The following DPH6 variants were observed in gnomAD, a reference collection of about 807,000 sequenced individuals.
DPH6 encodes diphthamine biosynthesis 6.
DPH6 carries 33 observed loss-of-function variants against 38.2 expected under a neutral mutation model. That is an observed-to-expected ratio of 0.86 (90% CI 0.65 to 1.15). DPH6 has a LOEUF of 1.15. DPH6 is among the 50% of genes most tolerant of loss of function. The pLI is 0.00. For missense variants in DPH6, 325 were observed against 320.0 expected, an observed-to-expected ratio of 1.02 and a Z score of -0.12; for synonymous variants, 108 against 103.0, an observed-to-expected ratio of 1.05 and a Z score of -0.30.
At chr15:35,440,749 A>C (rs1228342478) in intron 5 of DPH6, among the ~76,000 whole-genome samples, 1 of 152,234 alleles carries the variant, frequency 6.6e-6, no homozygotes, top group African/African-American at 2.4e-5. Context: ...AGGAGCCACC[A>C]GGAATATGTG....
chr15:35,324,824 A>C (rs952685222), intron 3 of DPH6, among the ~76,000 whole-genome samples: 19 of 152,320 alleles, frequency 1.2e-4, no homozygotes, highest in African/African-American at 4.6e-4. Flanking sequence ...AAATTATTAT[A>C]ATTAGTATCA....
chr15:35,322,372 T>C (rs890922567), intron 3 of DPH6, among the ~76,000 whole-genome samples: 5 of 152,204 alleles, frequency 3.3e-5, no homozygotes, highest in Non-Finnish European at 1.5e-5. Context: ...CTTTAAACTA[T>C]AAACTAAATT....
chr15:35,308,673 C>G (rs1164412626), intron 3 of DPH6, among the ~76,000 whole-genome samples: 1 of 152,066 alleles, frequency 6.6e-6, no homozygotes, highest in Non-Finnish European at 1.5e-5. Flanking sequence ...CATTTAGGAG[C>G]TGAGATAGTT....
At chr15:35,388,125 T>C (rs1274528116) in intron 6 of DPH6, among the ~76,000 whole-genome samples, 1 of 152,242 alleles carries the variant, frequency 6.6e-6, no homozygotes, top group Non-Finnish European at 1.5e-5. Context: ...TTTGGTTCTG[T>C]TTATATGCTG....
intron 3 of DPH6, among the ~76,000 whole-genome samples, chr15:35,481,363 A>C (rs2141149718): frequency 6.6e-6 from 1 of 152,274 alleles, no homozygotes; most frequent in Non-Finnish European, 1.5e-5. Context: ...GGATTTTAGA[A>C]GAAGGAAAGA....
chr15:35,469,006 T>C (rs554681155), intron 3 of DPH6, among the ~76,000 whole-genome samples: 16 of 152,150 alleles, frequency 1.1e-4, no homozygotes, highest in Admixed American at 5.9e-4. Context: ...AGGCGGAGGT[T>C]GCAGTGAGCC....
chr15:35,158,395 C>T, the DPH6 span, among the ~76,000 whole-genome samples: 2 of 152,056 alleles, frequency 1.3e-5, no homozygotes, highest in Non-Finnish European at 2.9e-5. Flanking sequence ...GAATTATATG[C>T]ACTCACCAAA....
At chr15:35,531,915 T>C (rs949158341) in intron 3 of DPH6, among the ~76,000 whole-genome samples, 6 of 152,106 alleles carry the variant, frequency 3.9e-5, no homozygotes, top group Non-Finnish European at 5.9e-5. Context: ...TCTCACAATC[T>C]AGCAAAAGCG....
At chr15:35,542,001 A>T (rs2055259519) in intron 2 of DPH6, among the ~76,000 whole-genome samples, 1 of 152,104 alleles carries the variant, frequency 6.6e-6, no homozygotes, top group South Asian at 2.1e-4. Flanking sequence ...ATCATTTATC[A>T]ATATGTGTCT....
intron 3 of DPH6, among the ~76,000 whole-genome samples, chr15:35,510,607 C>T (rs1190665578): frequency 6.6e-6 from 1 of 152,144 alleles, no homozygotes; most frequent in African/African-American, 2.4e-5. Flanking sequence ...TCAGATTTAT[C>T]CTGGGTACTC....
intron 3 of DPH6, among the ~76,000 whole-genome samples, chr15:35,289,943 T>C (rs1297183269): frequency 6.6e-6 from 1 of 152,214 alleles, no homozygotes; most frequent in African/African-American, 2.4e-5. Flanking sequence ...TGCGTACTGC[T>C]ACCTGGAAAC....
chr15:35,226,737 T>A (rs2051484436), intron 3 of DPH6, among the ~76,000 whole-genome samples: 1 of 152,206 alleles, frequency 6.6e-6, no homozygotes, highest in Admixed American at 6.5e-5. Context: ...ATGAATACAG[T>A]TAAAATGTTC....
At chr15:35,168,583 A>ACT in the DPH6 span, among the ~76,000 whole-genome samples, 70 of 152,194 alleles carry the variant, frequency 4.6e-4, no homozygotes, top group Middle Eastern at 3.4e-3. Flanking sequence ...AACCATGATG[A>ACT]CTCATTCTGC....
At chr15:35,470,078 A>G (rs11073097) in intron 3 of DPH6, among the ~76,000 whole-genome samples, 16,396 of 152,046 alleles carry the variant, frequency 0.11, 1,324 homozygotes, top group African/African-American at 0.24. Context: ...TGTGCCTGTA[A>G]TCCCCGCTAC....
At chr15:35,199,917 G>A in the DPH6 span, among the ~76,000 whole-genome samples, 1 of 152,066 alleles carries the variant, frequency 6.6e-6, no homozygotes, top group African/African-American at 2.4e-5. Context: ...TCATTACAGT[G>A]CAGATCCCAG....
chr15:35,151,199 C>G, the DPH6 span, among the ~76,000 whole-genome samples: 1 of 152,112 alleles, frequency 6.6e-6, no homozygotes, highest in Non-Finnish European at 1.5e-5. Context: ...GCTTCTGGAT[C>G]TATGTTTTTC....
chr15:35,360,069 C>T (rs751096781), intron 3 of DPH6, among the ~76,000 whole-genome samples: 1 of 152,038 alleles, frequency 6.6e-6, no homozygotes, highest in Non-Finnish European at 1.5e-5. Context: ...GTTATGTTTG[C>T]TTGATTTTTT....
intron 3 of DPH6, among the ~76,000 whole-genome samples, chr15:35,268,135 A>G (rs1595453941): frequency 6.6e-6 from 1 of 151,828 alleles, no homozygotes; most frequent in Non-Finnish European, 1.5e-5. Context: ...GTGCCACTGC[A>G]CTCCAGCCTG....
At chr15:35,541,834 T>C (rs1595456876) in intron 2 of DPH6, among the ~76,000 whole-genome samples, 1 of 152,086 alleles carries the variant, frequency 6.6e-6, no homozygotes, top group Non-Finnish European at 1.5e-5. Flanking sequence ...ATGAAAAAAG[T>C]AGTCAATATG....
Sources: gnomAD v4.1 joint callset for allele counts (sites outside exome capture counted in the v4.1 genomes callset) on GRCh38, gnomAD v4.1.1 for gene constraint, MANE v1.5 for transcripts, NCBI Gene and HGNC (gene_info 2026-07-23, HGNC 2026-07-21) for gene names.